SEC22A: variants seen among roughly 807,000 people sequenced by gnomAD.
The protein encoded by SEC22A is vesicle-trafficking protein SEC22a.
In SEC22A, 22 loss-of-function variants were observed where a neutral mutation model predicts 35.3. The ratio of observed to expected loss-of-function variants is 0.62; its 90% CI spans 0.45 to 0.89. The LOEUF (loss-of-function observed/expected upper bound fraction) is 0.89. SEC22A is among the 40% of genes least tolerant of loss of function. The probability of loss-of-function intolerance (pLI) is 0.00; values close to 1 mark genes in which losing one functional copy is unlikely to be tolerated. For synonymous variants in SEC22A, 119 were observed against 129.5 expected (o/e 0.92, Z 0.55); for missense variants, 354 against 362.5 (o/e 0.98, Z 0.19).
At chr3:123,235,917 C>T (rs1416457836) in intron 4 of SEC22A, among the ~76,000 whole-genome samples, 1 of 152,158 alleles carries the variant, frequency 6.6e-6, no homozygotes, top group South Asian at 2.1e-4. Flanking sequence ...ACCTTAAAAA[C>T]ATTATGCTAA....
Position 123,273,545 on chromosome 3 carries a change from G to A in SEC22A, c.*1823G>A, listed in dbSNP as rs758105173. On this transcript the variant is annotated 3_prime_UTR_variant, in exon 7 of 7. Coordinates refer to ENST00000492595, the MANE Select transcript of SEC22A (RefSeq NM_012430.5). ...TTTCAGGCCAGGCACGGTGACTCAGGCCTGTAATCCCAGCACTTTGGGAGG... is the reference window on the plus strand; with the variant it reads ...TTTCAGGCCAGGCACGGTGACTCAGACCTGTAATCCCAGCACTTTGGGAGG... 1 of 152,230 alleles carries A rather than the reference G, an allele frequency of 6.6e-6. No individual in the cohort carries two copies. The highest frequency in any genetic ancestry group is 6.5e-5 in the Admixed American group (1 of 15,278). The allele number at this position is 152,230 out of a possible 1,614,324, so 9.4% of individuals were successfully genotyped here. A position where few individuals can be genotyped will look rare whatever the true frequency, so the allele number is the denominator to read the frequency against.
At chr3:123,233,394 ACT>A (rs2108061014) in intron 4 of SEC22A, among the ~76,000 whole-genome samples, 1 of 152,184 alleles carries the variant, frequency 6.6e-6, no homozygotes, top group East Asian at 1.9e-4. Context: ...GTGTAAATAC[ACT>A]CTATGACGTT....
chr3:123,251,996 A>G (rs1937619833), intron 5 of SEC22A, among the ~76,000 whole-genome samples: 1 of 152,234 alleles, frequency 6.6e-6, no homozygotes. Flanking sequence ...GGACACAATG[A>G]TAAACTTTAG....
intron 5 of SEC22A, among the ~76,000 whole-genome samples, chr3:123,247,096 C>T (rs1424222235): frequency 1.3e-5 from 2 of 152,210 alleles, no homozygotes; most frequent in East Asian, 3.8e-4. Context: ...TTTCTGTTTC[C>T]TGTCCCCATG....
intron 2 of SEC22A, among the ~76,000 whole-genome samples, chr3:123,215,390 G>A (rs966571135): frequency 1.3e-5 from 2 of 152,156 alleles, no homozygotes; most frequent in Non-Finnish European, 2.9e-5. Flanking sequence ...TCAAGAACAA[G>A]ACATTGTCTT....
At chr3:123,254,451 C>G (rs1327474357) in intron 5 of SEC22A, among the ~76,000 whole-genome samples, 1 of 152,118 alleles carries the variant, frequency 6.6e-6, no homozygotes, top group Non-Finnish European at 1.5e-5. Context: ...CTGCCCTCTT[C>G]TTCCTCTCCT....
intron 5 of SEC22A, among the ~76,000 whole-genome samples, chr3:123,258,004 AAAAAG>A (rs1022989706): frequency 1.1e-4 from 17 of 151,922 alleles, no homozygotes; most frequent in African/African-American, 4.1e-4. Flanking sequence ...TGAAAAAAAA[AAAAAG>A]GAAGGAAGGA....
chr3:123,253,572 C>T (rs1414588916), intron 5 of SEC22A, among the ~76,000 whole-genome samples: 4 of 151,846 alleles, frequency 2.6e-5, no homozygotes, highest in Admixed American at 1.3e-4. Flanking sequence ...ATTAACTGAG[C>T]GCGGTGGCAG....
chr3:123,241,038 CACACAT>C (rs1253766154), intron 4 of SEC22A, among the ~76,000 whole-genome samples: 1 of 151,230 alleles, frequency 6.6e-6, no homozygotes, highest in Non-Finnish European at 1.5e-5. Flanking sequence ...CACACACACA[CACACAT>C]CCCCTTCATA....
At chr3:123,241,150 C>T (rs148028736) in intron 4 of SEC22A, among the ~76,000 whole-genome samples, 1,561 of 152,058 alleles carry the variant, frequency 0.01, 17 homozygotes, top group Non-Finnish European at 0.016. Flanking sequence ...TAACTGTACT[C>T]AGAATGAGAA....
intron 6 of SEC22A, among the ~76,000 whole-genome samples, chr3:123,267,789 A>C (rs979526752): frequency 3.9e-5 from 6 of 152,114 alleles, no homozygotes; most frequent in Non-Finnish European, 8.8e-5. Context: ...CATCTGATAA[A>C]TGTTTTTATT....
intron 4 of SEC22A, among the ~76,000 whole-genome samples, chr3:123,242,632 C>G (rs72958585): frequency 0.023 from 3,491 of 152,258 alleles, 138 homozygotes; most frequent in African/African-American, 0.079. Flanking sequence ...CCACAAACTT[C>G]CTAATGTAGA....
intron 6 of SEC22A, among the ~76,000 whole-genome samples, chr3:123,259,994 T>TG (rs1421875083): frequency 1.3e-5 from 2 of 151,856 alleles, no homozygotes; most frequent in East Asian, 3.9e-4. Flanking sequence ...TAGCCGGGCA[T>TG]GGTGATGTGT....
chr3:123,253,727 A>AG (rs1937654173), intron 5 of SEC22A, among the ~76,000 whole-genome samples: 1 of 151,084 alleles, frequency 6.6e-6, no homozygotes, highest in Non-Finnish European at 1.5e-5. Context: ...AAAAAAAAAA[A>AG]AAGAAAGAAA....
chr3:123,249,735 G>A (rs983882497), intron 5 of SEC22A, among the ~76,000 whole-genome samples: 11 of 152,000 alleles, frequency 7.2e-5, no homozygotes, highest in African/African-American at 2.7e-4. Context: ...TGTTGGTCAG[G>A]CTGGTCTCGA....
chr3:123,255,777 G>A (rs1177015703), intron 5 of SEC22A, among the ~76,000 whole-genome samples: 1 of 152,100 alleles, frequency 6.6e-6, no homozygotes, highest in African/African-American at 2.4e-5. Flanking sequence ...GTGGCCGCAT[G>A]ACTTTTTATT....
At chr3:123,240,183 A>G (rs1377766068) in intron 4 of SEC22A, among the ~76,000 whole-genome samples, 1 of 152,206 alleles carries the variant, frequency 6.6e-6, no homozygotes, top group African/African-American at 2.4e-5. Flanking sequence ...TTCCATGGTC[A>G]GCAAGGCCCA....
rs142566144 is a variant in SEC22A, at chr3:123,230,312, A to G, written c.541+5015A>G. On this transcript the variant is annotated intron_variant, in intron 4 of 6. Coordinates refer to ENST00000492595, the MANE Select transcript of SEC22A (RefSeq NM_012430.5). ...GTGGTATTAAAGTTGTACTGGGATA[A>G]GGAAATTACTCCAGATGATAATTCA... Among the ~76,000 whole-genome samples the G allele has an allele frequency of 5.5e-3, 831 of 152,354 alleles. 11 individuals carry two copies. The highest frequency in any genetic ancestry group is 0.019 in the African/African-American group (793 of 41,588).
chr3:123,234,161 A>G (rs1937375609), intron 4 of SEC22A, among the ~76,000 whole-genome samples: 1 of 152,242 alleles, frequency 6.6e-6, no homozygotes, highest in African/African-American at 2.4e-5. Context: ...TCTCATGTTC[A>G]TGGATTGAAA....
Sources: allele counts gnomAD v4.1 joint callset (sites outside exome capture counted in the v4.1 genomes callset), GRCh38; gene constraint gnomAD v4.1.1; transcripts MANE v1.5; gene names NCBI Gene and HGNC (gene_info 2026-07-23, HGNC 2026-07-21).